NT5C2: variants seen among roughly 807,000 people sequenced by gnomAD.
NT5C2 encodes 5'-nucleotidase, cytosolic II, also known as cytosolic purine 5'-nucleotidase.
A neutral mutation model predicts 76.1 loss-of-function variants in NT5C2; 58 were observed. The observed-to-expected ratio is 0.76, with a 90% CI of 0.62 to 0.95. The LOEUF (loss-of-function observed/expected upper bound fraction) is 0.95, where lower values mean the gene tolerates loss of function less well. NT5C2 is among the 40% of genes least tolerant of loss of function. The pLI is 0.00. For synonymous variants in NT5C2, 229 were observed against 237.4 expected (o/e 0.96, Z 0.32); for missense variants, 478 against 690.3 (o/e 0.69, Z 3.45).
At chr10:103,093,822 T>C (rs2067497768) in intron 14 of NT5C2, 150 bp downstream of exon 14, 3 of 602,204 alleles carry the variant, frequency 5.0e-6, no homozygotes, top group South Asian at 2.2e-5. Flanking sequence ...CAGACTCCTA[T>C]TGCATTAAGA....
intron 3 of NT5C2, chr10:103,153,750 G>A (rs2082811318): frequency 1.4e-5 from 14 of 983,958 alleles, no homozygotes; most frequent in Non-Finnish European, 1.3e-5. Context: ...AGTTTACTCT[G>A]GGAGCAAAAA....
intron 4 of NT5C2, 140 bp from the exon 5 acceptor site, chr10:103,106,846 T>G: frequency 1.5e-6 from 1 of 660,890 alleles, no homozygotes; most frequent in Non-Finnish European, 2.7e-6. Context: ...TCAAACTCCA[T>G]GTTCTGTATT....
intron 4 of NT5C2, among the ~76,000 whole-genome samples, chr10:103,112,876 G>A (rs1331427310): frequency 6.6e-6 from 1 of 152,104 alleles, no homozygotes; most frequent in African/African-American, 2.4e-5. Context: ...AGGTGATAAC[G>A]CACATTTTTC....
At chr10:103,185,049 A>G (rs1217735809) in intron 1 of NT5C2, among the ~76,000 whole-genome samples, 2 of 152,176 alleles carry the variant, frequency 1.3e-5, no homozygotes, top group Admixed American at 6.6e-5. Context: ...TATTGCTACT[A>G]TCCTGCCATA....
In NT5C2 at chr10:103,099,977, G is replaced by T; in HGVS notation, c.582C>A (p.Tyr194Ter). 1 of 1,612,910 alleles carries T rather than the reference G, an allele frequency of 6.2e-7. No individual in the cohort carries two copies. The highest frequency in any genetic ancestry group is 8.5e-7 in the Non-Finnish European group (1 of 1,179,142). Residue 194 changes from tyrosine to a stop codon, truncating the protein, a stop_gained, in exon 9 of 19, where the codon TAC (tyrosine) becomes TAA (stop). Coordinates refer to ENST00000404739, the MANE Select transcript of NT5C2 (RefSeq NM_001351169.2). LOFTEE classifies it high-confidence loss of function. ...GFKDGDLFMSYRSMFQDVRDA... is the reference protein window; with the variant it reads ...GFKDGDLFMS The stretch of plus-strand genomic sequence containing the variant: ...CTCTTACATCCTGGAACATACTCCG[G>T]TAGGACATGAAGAGGTCCCCATCTT...
At chr10:103,129,257 T>G (rs1591215451) in intron 4 of NT5C2, among the ~76,000 whole-genome samples, 1 of 91,606 alleles carries the variant, frequency 1.1e-5, no homozygotes, top group Admixed American at 1.0e-4. Flanking sequence ...GATGGGGGGG[T>G]CAGCCCCCCA....
chr10:103,134,909 G>T (rs186420161), intron 4 of NT5C2, among the ~76,000 whole-genome samples: 24 of 152,320 alleles, frequency 1.6e-4, no homozygotes, highest in Non-Finnish European at 2.5e-4. Flanking sequence ...AGATTTGACT[G>T]CCCCACTGGA....
At position 103,091,580 on chromosome 10, in the gene NT5C2, A is replaced by G; in HGVS notation, c.1195T>C (p.Leu399=). The change falls in exon 16 of 19, where the codon TTG becomes CTG. Residue 399 remains leucine, a synonymous_variant. Coordinates refer to ENST00000404739, the MANE Select transcript of NT5C2 (RefSeq NM_001351169.2). ...FEELQSLDIF[L]AELYKHLDSS... ...AAAACTTACTTGTAGAGTTCAGCCA[A>G]GAAAATATCCAAGCTCTGAAGTTCT... 6.2e-7 allele frequency: 1 copy of G among 1,613,576 alleles called. No homozygotes were observed. The highest frequency in any genetic ancestry group is 8.5e-7 in the Non-Finnish European group (1 of 1,179,574).
chr10:103,139,864 A>G (rs2080060611), intron 3 of NT5C2, among the ~76,000 whole-genome samples: 1 of 152,162 alleles, frequency 6.6e-6, no homozygotes, highest in South Asian at 2.1e-4. Context: ...TATTCATCCA[A>G]CATAACTGCA....
intron 2 of NT5C2, among the ~76,000 whole-genome samples, chr10:103,177,807 C>A (rs2090295566): frequency 6.6e-6 from 1 of 152,164 alleles, no homozygotes; most frequent in African/African-American, 2.4e-5. Context: ...GGGAAATTCA[C>A]ATAAAATTGG....
chr10:103,123,460 G>A (rs1028360251), intron 4 of NT5C2, among the ~76,000 whole-genome samples: 1 of 151,864 alleles, frequency 6.6e-6, no homozygotes, highest in Non-Finnish European at 1.5e-5. Context: ...TGGGCTCAAG[G>A]GCTCACAGCC....
chr10:103,137,637 G>A (rs2079546275), intron 4 of NT5C2, among the ~76,000 whole-genome samples: 1 of 152,182 alleles, frequency 6.6e-6, no homozygotes, highest in South Asian at 2.1e-4. Flanking sequence ...AGGTTTTTGT[G>A]TAAAGACAAA....
chr10:103,117,640 C>T (rs556321136), intron 4 of NT5C2, among the ~76,000 whole-genome samples: 1 of 150,848 alleles, frequency 6.6e-6, no homozygotes, highest in East Asian at 1.9e-4. Context: ...GAGCAAGAAC[C>T]TGTCTCAAAA....
chr10:103,184,627 C>T (rs1300445786), intron 1 of NT5C2, among the ~76,000 whole-genome samples: 1 of 152,122 alleles, frequency 6.6e-6, no homozygotes, highest in Non-Finnish European at 1.5e-5. Flanking sequence ...CACATGGAGC[C>T]CTTTGCTTTT....
intron 3 of NT5C2, among the ~76,000 whole-genome samples, chr10:103,152,168 T>G (rs1391279060): frequency 5.3e-5 from 8 of 152,204 alleles, no homozygotes; most frequent in Non-Finnish European, 1.2e-4. Flanking sequence ...GTGATAGTCC[T>G]TATCATAAAA....
At chr10:103,116,574 CT>C (rs1459095608) in intron 4 of NT5C2, among the ~76,000 whole-genome samples, 44 of 136,300 alleles carry the variant, frequency 3.2e-4, no homozygotes, top group East Asian at 8.4e-4. Flanking sequence ...AGATTTTTTT[CT>C]TTTTTTTTTT....
At position 103,090,611 on chromosome 10, in the gene NT5C2, C is replaced by CAA; in HGVS notation, c.1447_1448dup (p.Leu483PhefsTer2). 6.2e-7 allele frequency: 1 copy of CAA among 1,611,836 alleles called. No homozygotes were observed. Among genetic ancestry groups the CAA allele is most frequent in the South Asian group, 1.1e-5 (1 of 90,758 alleles). ...GCTGTCCATTACAGCTTTAACTCAC[C>CAA]AAGACATGGGCAGCCCTGAAGAGGT... On this transcript the variant is annotated frameshift_variant and splice_region_variant, in exon 18 of 19. Transcript: ENST00000404739. LOFTEE classifies it high-confidence loss of function.
In NT5C2 at chr10:103,095,899, T is replaced by C. The variant is rs1926030; in HGVS notation, c.813+40A>G. 0.4 allele frequency: 611,021 copies of C among 1,532,738 alleles called. 123,736 individuals carry two copies. The highest frequency in any genetic ancestry group is 0.51 in the East Asian group (22,569 of 44,458). 94.9% of individuals were successfully genotyped at this position (1,532,738 alleles called of 1,614,324 possible). A position where few individuals can be genotyped will look rare whatever the true frequency, so the allele number is the denominator to read the frequency against. On this transcript the variant is annotated intron_variant, in intron 12 of 18. Coordinates refer to ENST00000404739, the MANE Select transcript of NT5C2 (RefSeq NM_001351169.2). ...ATTCCAGAATGATTAAATGCATTCA[T>C]TGTTATTAAAGCAGTGGTCTATTGA...
chr10:103,111,858 G>C, intron 4 of NT5C2: 6 of 1,134,476 alleles, frequency 5.3e-6, no homozygotes, highest in Non-Finnish European at 6.7e-6. Context: ...ACAAAAGCTG[G>C]TTTTAAAACT....
Sources: allele counts gnomAD v4.1 joint callset (sites outside exome capture counted in the v4.1 genomes callset), GRCh38; gene constraint gnomAD v4.1.1; transcripts MANE v1.5; gene names NCBI Gene and HGNC (gene_info 2026-07-23, HGNC 2026-07-21).